The following C17orf113 variants were observed in gnomAD, a reference collection of about 807,000 sequenced individuals.
C17orf113 encodes uncharacterized protein C17orf113.
Under a neutral mutation model 11.6 loss-of-function variants are expected in C17orf113, and 5 were observed. That is an observed-to-expected ratio of 0.43 (90% CI 0.23 to 0.91). C17orf113 has a LOEUF of 0.91. Ranked by LOEUF, C17orf113 falls within the 40% of genes least tolerant of loss-of-function variation. The pLI is 0.26. For missense variants in C17orf113, 714 were observed against 841.3 expected (o/e 0.85, Z 1.87); for synonymous variants, 327 against 390.6 (o/e 0.84, Z 1.92).
chr17:42,040,802 C>G lies in C17orf113; in HGVS notation c.931G>C (p.Gly311Arg). The G allele has an allele frequency of 8.1e-7, 1 of 1,232,290 alleles. No individual in the cohort carries two copies. The highest frequency in any genetic ancestry group is 1.0e-6 in the Non-Finnish European group (1 of 988,044). 76.3% of individuals were successfully genotyped at this position (1,232,290 alleles called of 1,614,324 possible). The change falls in exon 3 of 3, where the codon GGT becomes CGT. Residue 311 changes from glycine to arginine, a missense_variant. By Grantham distance (125) the Gly-to-Arg change is moderately radical. This residue lies in a region of C17orf113 where 516 missense variants were observed against 626.6 expected (regional missense o/e 0.82). Coordinates refer to ENST00000587304, the MANE Select transcript of C17orf113 (RefSeq NM_001358661.2). ...RTDPEPPAYL[G>R]QYESILDALF... The stretch of plus-strand genomic sequence containing the variant: ...GCATCCAATATGCTCTCATATTGAC[C>G]CAAGTAGGCCGGGGGCTCAGGATCT...
chr17:42,040,659 C>T lies in C17orf113; in HGVS notation c.1074G>A (p.Leu358=). ...GPRPVPWASL[L]PVVEAVAEAW... is the part of the protein sequence containing the mutation. ...CCTCGGCCACTGCTTCCACTACAGG[C>T]AGCAGGGAGGCCCAGGGCACTGGCC... is the stretch of plus-strand genomic sequence containing the variant. Residue 358 remains leucine, a synonymous_variant, in exon 3 of 3, where the codon CTG becomes CTA. Transcript: ENST00000587304. The T allele has an allele frequency of 8.1e-7, 1 of 1,232,320 alleles. No individual in the cohort carries two copies. The highest frequency in any genetic ancestry group is 1.0e-6 in the Non-Finnish European group (1 of 988,082). 76.3% of individuals were successfully genotyped at this position (1,232,320 alleles called of 1,614,324 possible). A position where few individuals can be genotyped will look rare whatever the true frequency, so the allele number is the denominator to read the frequency against.
At chr17:42,047,756 C>T (rs989822503) in intron 1 of C17orf113, among the ~76,000 whole-genome samples, 2 of 151,234 alleles carry the variant, frequency 1.3e-5, no homozygotes, top group African/African-American at 2.4e-5. Context: ...TGGGTTCAAG[C>T]GATTCTCCTG....
In C17orf113 at chr17:42,041,468, T is replaced by C. The variant is rs543106551; in HGVS notation, c.544-279A>G. 6.6e-4 allele frequency among the ~76,000 whole-genome samples: 100 copies of C among 152,344 alleles called. 1 individual carries two copies. Among genetic ancestry groups the C allele is most frequent in the Non-Finnish European group, 9.8e-4 (67 of 68,026 alleles). The stretch of plus-strand genomic sequence containing the variant: ...CCCGGTCTAGTTTTCTCAGCTCTTA[T>C]ACCTGCTGTCAGCTAATACCAGCCC... On this transcript the variant is annotated intron_variant, in intron 2 of 2. Transcript: ENST00000587304.
intron 2 of C17orf113, among the ~76,000 whole-genome samples, 162 bp downstream of exon 2, chr17:42,042,672 C>A (rs2053053542): frequency 6.6e-6 from 1 of 152,196 alleles, no homozygotes; most frequent in Non-Finnish European, 1.5e-5. Context: ...GCAGCTGGCC[C>A]AGGACCAGGG....
intron 1 of C17orf113, among the ~76,000 whole-genome samples, chr17:42,045,297 C>T (rs1311274489): frequency 1.3e-5 from 2 of 152,192 alleles, no homozygotes; most frequent in Non-Finnish European, 2.9e-5. Context: ...GTGATCCGCC[C>T]GTCTCGGCCT....
Position 42,042,351 on chromosome 17 carries a change from G to A in C17orf113, c.543+483C>T, listed in dbSNP as rs373745538. On this transcript the variant is annotated intron_variant, in intron 2 of 2. Coordinates refer to ENST00000587304, the MANE Select transcript of C17orf113 (RefSeq NM_001358661.2). ...GGCCTGGCCAACATGGTGATACCCC[G>A]TCTCTACTAAAAATACAAAAATTAG... Among the ~76,000 whole-genome samples, 54 of 152,212 alleles carry A rather than the reference G, an allele frequency of 3.5e-4. 1 individual carries two copies. Among genetic ancestry groups the A allele is most frequent in the African/African-American group, 1.2e-3 (49 of 41,534 alleles).
rs2053256085 is a variant in C17orf113, at chr17:42,050,408, G to A, written c.-188+149C>T. Reference sequence around the variant, plus strand: ...TCCTCCCGGGGGCTGGGACGGGGAGGGCTGAGGAACTTCCTCTGGGGGGCG... The same window carrying A: ...TCCTCCCGGGGGCTGGGACGGGGAGAGCTGAGGAACTTCCTCTGGGGGGCG... On this transcript the variant is annotated intron_variant, in intron 1 of 2. Transcript: ENST00000587304. This position sits in a 1 kb window ranked among gnomAD's most constrained non-coding sequence, Gnocchi z 5.6. 6.6e-6 allele frequency: 1 copy of A among 152,170 alleles called. No individual in the cohort carries two copies. The highest frequency in any genetic ancestry group is 1.9e-4 in the East Asian group (1 of 5,166). The allele number at this position is 152,170 out of a possible 1,614,324, so 9.4% of individuals were successfully genotyped here. A position where few individuals can be genotyped will look rare whatever the true frequency, so the allele number is the denominator to read the frequency against.
chr17:42,046,831 C>T (rs559051256), intron 1 of C17orf113, among the ~76,000 whole-genome samples: 4 of 150,736 alleles, frequency 2.7e-5, no homozygotes, highest in East Asian at 3.9e-4. Flanking sequence ...ACTCTTGTTT[C>T]TGAGACTGTC....
chr17:42,040,202 G>C lies in C17orf113; in HGVS notation c.1531C>G (p.Leu511Val). ...GCTGCGAAGGCGGCCACGGCGTCCA[G>C]CGAAGGCCCGGGGTAGGAGTCCTGT... ...GLQDSYPGPSLDAVAAFAAIF... is the reference protein window; with the variant it reads ...GLQDSYPGPSVDAVAAFAAIF... The change falls in exon 3 of 3, where the codon CTG becomes GTG. Residue 511 changes from leucine to valine, a missense_variant. Transcript: ENST00000587304. 8.1e-7 allele frequency: 1 copy of C among 1,231,620 alleles called. No homozygotes were observed. The highest frequency in any genetic ancestry group is 1.0e-6 in the Non-Finnish European group (1 of 987,858). The allele number at this position is 1,231,620 out of a possible 1,614,324, so 76.3% of individuals were successfully genotyped here.
chr17:42,040,552 T>C lies in C17orf113; in HGVS notation c.1181A>G (p.Gln394Arg), dbSNP rs1329560892. Residue 394 changes from glutamine (Q) to arginine (R), a missense_variant, in exon 3 of 3, where the codon CAG becomes CGG. By Grantham distance (43) the Gln-to-Arg change is conservative. Coordinates refer to ENST00000587304, the MANE Select transcript of C17orf113 (RefSeq NM_001358661.2). The part of the protein sequence containing the change: ...VAGSLALALR[Q>R]FTFVAFTHLL... ...GTGGGTGAAGGCCACGAAGGTGAAC[T>C]GGCGCAGGGCCAGGGCCAGTGACCC... is the stretch of plus-strand genomic sequence containing the variant. 1 of 1,232,868 alleles carries C rather than the reference T, an allele frequency of 8.1e-7. No individual in the cohort carries two copies. The highest frequency in any genetic ancestry group is 1.0e-6 in the Non-Finnish European group (1 of 988,684). 76.4% of individuals were successfully genotyped at this position (1,232,868 alleles called of 1,614,324 possible).
chr17:42,042,079 C>T lies in C17orf113; in HGVS notation c.543+755G>A, dbSNP rs148477344. 4.6e-3 allele frequency among the ~76,000 whole-genome samples: 699 copies of T among 152,144 alleles called. 5 individuals are homozygous for T. Among genetic ancestry groups the T allele is most frequent in the African/African-American group, 0.016 (678 of 41,518 alleles). ...AAACAGGCTCAGCACAGAAAACAGC[C>T]CCAAAAGAAAACTAAGTCAAAAGTC... On this transcript the variant is annotated intron_variant, in intron 2 of 2. Coordinates refer to ENST00000587304, the MANE Select transcript of C17orf113 (RefSeq NM_001358661.2).
chr17:42,042,978 A>C lies in C17orf113; in HGVS notation c.399T>G (p.Thr133=). The change falls in exon 2 of 3, where the codon ACT becomes ACG. Residue 133 remains threonine, a synonymous_variant. Coordinates refer to ENST00000587304, the MANE Select transcript of C17orf113 (RefSeq NM_001358661.2). The part of the protein sequence containing the change: ...ELDPAKVAVL[T]TVYCMAKEDV... The stretch of plus-strand genomic sequence containing the variant: ...CCTCCTTTGCCATGCAGTACACAGT[A>C]GTCAGCACAGCCACTTTGGCCGGGT... 5 of 1,232,424 alleles carry C rather than the reference A, an allele frequency of 4.1e-6. No individual in the cohort carries two copies. Among genetic ancestry groups the C allele is most frequent in the Non-Finnish European group, 5.1e-6 (5 of 988,140 alleles). The allele number at this position is 1,232,424 out of a possible 1,614,324, so 76.3% of individuals were successfully genotyped here. A position where few individuals can be genotyped will look rare whatever the true frequency, so the allele number is the denominator to read the frequency against.
chr17:42,043,610 A>G, intron 1 of C17orf113, 47 bp from the exon 2 acceptor site: 1 of 365,192 alleles, frequency 2.7e-6, no homozygotes, highest in Non-Finnish European at 4.8e-6. Context: ...CTGTCATGGT[A>G]GGGGTGGTTT....
chr17:42,045,413 A>G (rs1265737697), intron 1 of C17orf113, among the ~76,000 whole-genome samples: 4 of 152,124 alleles, frequency 2.6e-5, no homozygotes, highest in Non-Finnish European at 5.9e-5. Flanking sequence ...AAATGTAACT[A>G]CCATTTCTGG....
intron 1 of C17orf113, among the ~76,000 whole-genome samples, chr17:42,045,369 T>G (rs1290356656): frequency 6.6e-6 from 1 of 152,260 alleles, no homozygotes; most frequent in Non-Finnish European, 1.5e-5. Context: ...ACCTTTTAAT[T>G]ATCTCTCCAA....
At position 42,043,249 on chromosome 17, in the gene C17orf113, A is replaced by T; in HGVS notation, c.128T>A (p.Met43Lys). ...GGCCTGGCGGCACTCGAGGCAGAAC[A>T]TCAGCTTCCGCTCATAGTCAAAGTC... Reference protein sequence around the residue: ...WLDFDYERKLMFCLECRQALV... With the variant: ...WLDFDYERKLKFCLECRQALV... The change falls in exon 2 of 3, where the codon ATG becomes AAG. Residue 43 changes from methionine to lysine, a missense_variant. This residue lies in a region of C17orf113 where 516 missense variants were observed against 626.6 expected (regional missense o/e 0.82). Transcript: ENST00000587304. 1.6e-6 allele frequency: 2 copies of T among 1,232,270 alleles called. No homozygotes were observed. The highest frequency in any genetic ancestry group is 2.0e-6 in the Non-Finnish European group (2 of 988,016). The allele number at this position is 1,232,270 out of a possible 1,614,324, so 76.3% of individuals were successfully genotyped here. A position where few individuals can be genotyped will look rare whatever the true frequency, so the allele number is the denominator to read the frequency against.
rs1342511614 is a variant in C17orf113, at chr17:42,043,243, C to T, written c.134G>A (p.Cys45Tyr). ...TACCAGGGCCTGGCGGCACTCGAGG[C>T]AGAACATCAGCTTCCGCTCATAGTC... ...DFDYERKLMF[C>Y]LECRQALVRN... is the part of the protein sequence containing the mutation. The change falls in exon 2 of 3, where the codon TGC (cysteine) becomes TAC (tyrosine). Residue 45 changes from cysteine to tyrosine, a missense_variant. Physicochemically the swap from Cys to Tyr is radical, Grantham distance 194. Coordinates refer to ENST00000587304, the MANE Select transcript of C17orf113 (RefSeq NM_001358661.2). 8.1e-7 allele frequency: 1 copy of T among 1,232,140 alleles called. No individual in the cohort carries two copies. Among genetic ancestry groups the T allele is most frequent in the Non-Finnish European group, 1.0e-6 (1 of 988,020 alleles). 76.3% of individuals were successfully genotyped at this position (1,232,140 alleles called of 1,614,324 possible). A position where few individuals can be genotyped will look rare whatever the true frequency, so the allele number is the denominator to read the frequency against.
Position 42,039,951 on chromosome 17 carries a change from G to A in C17orf113, c.1782C>T (p.Phe594=). The change falls in exon 3 of 3, where the codon TTC becomes TTT. Residue 594 remains phenylalanine, a synonymous_variant. Transcript: ENST00000587304. ...ACAHSELHEL[F]PDFAALAALA... ...AGGCGGCTAGGGCGGCGAAGTCGGG[G>A]AAGAGCTCGTGCAGCTCCGAGTGCG... 3 of 1,231,196 alleles carry A rather than the reference G, an allele frequency of 2.4e-6. No individual in the cohort carries two copies. Among genetic ancestry groups the A allele is most frequent in the South Asian group, 4.1e-5 (1 of 24,322 alleles). 76.3% of individuals were successfully genotyped at this position (1,231,196 alleles called of 1,614,324 possible).
intron 1 of C17orf113, among the ~76,000 whole-genome samples, chr17:42,045,160 G>A (rs781923827): frequency 5.3e-5 from 8 of 152,030 alleles, no homozygotes; most frequent in Non-Finnish European, 1.2e-4. Flanking sequence ...CTTGTGATCC[G>A]TCCGCCTCGG....
Sources: allele counts gnomAD v4.1 joint callset (sites outside exome capture counted in the v4.1 genomes callset), GRCh38; gene constraint gnomAD v4.1.1; regional missense constraint gnomAD v4.1.1; non-coding constraint Gnocchi (gnomAD v3.1); transcripts MANE v1.5; gene names NCBI Gene and HGNC (gene_info 2026-07-23, HGNC 2026-07-21).